Variants in TTN observed in about 807,000 individuals in gnomAD.
The protein encoded by TTN is titin, also known as connectin.
TTN carries 1,525 observed loss-of-function variants against 3,223.0 expected under a neutral mutation model. The observed-to-expected ratio is 0.47, with a 90% CI of 0.45 to 0.49. TTN has a LOEUF of 0.49. Ranked by LOEUF, TTN falls within the 20% of genes least tolerant of loss-of-function variation. The probability of loss-of-function intolerance (pLI) is 0.00; values close to 1 mark genes in which losing one functional copy is unlikely to be tolerated. For missense variants in TTN, 40,786 were observed against 43,424.0 expected (o/e 0.94, Z 5.40); for synonymous variants, 14,094 against 15,161.0 (o/e 0.93, Z 5.17).
Position 178,530,310 on chromosome 2 carries a change from A to C in TTN, c.106305T>G (p.Ser35435Arg), listed in dbSNP as rs1688529172. The stretch of plus-strand genomic sequence containing the variant: ...TAGCCTTAACTGCAAATTTAGCAAC[A>C]CTGTCTGAAGAAACAGTTGTATCCT... ...GLQDTTVSSDSVAKFAVKATG... is the reference protein window; with the variant it reads ...GLQDTTVSSDRVAKFAVKATG... The change falls in exon 358 of 363, where the codon AGT becomes AGG. Residue 35435 changes from serine to arginine, a missense_variant. By Grantham distance (110) the Ser-to-Arg change is moderately radical (BLOSUM62 -1). Coordinates refer to ENST00000589042, the MANE Select transcript of TTN (RefSeq NM_001267550.2). The C allele has an allele frequency of 1.2e-6, 2 of 1,613,716 alleles. No homozygotes were observed. The highest frequency in any genetic ancestry group is 2.7e-5 in the African/African-American group (2 of 74,920).
In TTN at chr2:178,546,443, C is replaced by G. The variant is rs1697172805; in HGVS notation, c.94888G>C (p.Gly31630Arg). ...LHGDLVTIRA[G>R]SDLVLDAAVG... ...GCAGCATCCAGAACAAGATCAGAAC[C>G]TGCTCTGATGGTAACCAGATCACCG... The change falls in exon 342 of 363, where the codon GGT (glycine) becomes CGT (arginine). Residue 31630 changes from glycine to arginine, a missense_variant. Transcript: ENST00000589042. 6.2e-7 allele frequency: 1 copy of G among 1,613,746 alleles called. No homozygotes were observed. Among genetic ancestry groups the G allele is most frequent in the East Asian group, 2.2e-5 (1 of 44,836 alleles).
chr2:178,697,332 C>G (rs140042826), intron 112 of TTN, among the ~76,000 whole-genome samples, 164 bp from the exon 113 acceptor site: 1 of 152,092 alleles, frequency 6.6e-6, no homozygotes, highest in Non-Finnish European at 1.5e-5. Flanking sequence ...ATTTCCAAAT[C>G]TAGCTCATTA....
intron 265 of TTN, 83 bp downstream of exon 265, chr2:178,612,690 G>C: frequency 5.2e-6 from 8 of 1,532,750 alleles, no homozygotes; most frequent in Non-Finnish European, 7.0e-6. Flanking sequence ...TAATAGTAAT[G>C]AATTTTTCAT....
Position 178,667,739 on chromosome 2 carries a change from T to A in TTN, c.35546-18A>T. The A allele has an allele frequency of 6.7e-7, 1 of 1,493,376 alleles. No homozygotes were observed. Among genetic ancestry groups the A allele is most frequent in the South Asian group, 1.2e-5 (1 of 84,442 alleles). 92.5% of individuals were successfully genotyped at this position (1,493,376 alleles called of 1,614,324 possible). The stretch of plus-strand genomic sequence containing the variant: ...TTCATAAACTTTAAAGATATTAGTA[T>A]TTAAATAATTAGGATGTTTCAAGGT... On this transcript the variant is annotated intron_variant, in intron 159 of 362. Transcript: ENST00000589042.
chr2:178,547,731 A>G lies in TTN; in HGVS notation c.93895T>C (p.Phe31299Leu). 6.2e-7 allele frequency: 1 copy of G among 1,613,882 alleles called. No homozygotes were observed. Among genetic ancestry groups the G allele is most frequent in the Non-Finnish European group, 8.5e-7 (1 of 1,179,842 alleles). The change falls in exon 339 of 363, where the codon TTT becomes CTT. Residue 31299 changes from phenylalanine to leucine, a missense_variant. Coordinates refer to ENST00000589042, the MANE Select transcript of TTN (RefSeq NM_001267550.2). ...CCAATGACCACAACTGTGACGCTAAATGTTTTAACACCAGCTGTATTTTCC... is the reference window on the plus strand; with the variant it reads ...CCAATGACCACAACTGTGACGCTAAGTGTTTTAACACCAGCTGTATTTTCC... ...TLENTAGVKTFSVTVVVIGRP... is the reference protein window; with the variant it reads ...TLENTAGVKTLSVTVVVIGRP...
Position 178,667,479 on chromosome 2 carries a change from C to G in TTN, c.35676G>C (p.Val11892=). 1 of 1,599,844 alleles carries G rather than the reference C, an allele frequency of 6.3e-7. No individual in the cohort carries two copies. Among genetic ancestry groups the G allele is most frequent in the Non-Finnish European group, 8.5e-7 (1 of 1,178,812 alleles). ...KKVVPEDKIY[V]TIPKKRETPA... is the part of the protein sequence containing the mutation. ...GTGTTTCTCTCTTTTTAGGAATAGTCACATATATTTTGTCTTCTGGAACAA... is the reference window on the plus strand; with the variant it reads ...GTGTTTCTCTCTTTTTAGGAATAGTGACATATATTTTGTCTTCTGGAACAA... Residue 11892 remains valine (V), a synonymous_variant, in exon 161 of 363, where the codon GTG becomes GTC. Transcript: ENST00000589042.
rs1248409979 is a variant in TTN, at chr2:178,733,394, G to T, written c.15899C>A (p.Pro5300His). 1 of 1,613,726 alleles carries T rather than the reference G, an allele frequency of 6.2e-7. No homozygotes were observed. Among genetic ancestry groups the T allele is most frequent in the South Asian group, 1.1e-5 (1 of 91,064 alleles). Residue 5300 changes from proline (P) to histidine (H), a missense_variant, in exon 54 of 363, where the codon CCC (proline) becomes CAC (histidine). Transcript: ENST00000589042. ...LKPKWYKDGR[P>H]LVASKKYRIS... ...TCGGTATTTTTTACTGGCGACCAAG[G>T]GTCTCCCATCTTTGTACCATTTGGG...
rs778636031 is a variant in TTN, at chr2:178,565,600, A to G, written c.80532T>C (p.Ser26844=). 6.2e-7 allele frequency: 1 copy of G among 1,613,592 alleles called. No individual in the cohort carries two copies. Among genetic ancestry groups the G allele is most frequent in the Non-Finnish European group, 8.5e-7 (1 of 1,179,630 alleles). ...KVCNAVVTGL[S]SGQEYQFRVK... is the part of the protein sequence containing the mutation. ...CACGGAACTGATATTCTTGTCCAGAACTCAAACCAGTAACAACTGCATTAC... is the reference window on the plus strand; with the variant it reads ...CACGGAACTGATATTCTTGTCCAGAGCTCAAACCAGTAACAACTGCATTAC... Residue 26844 remains serine (S), a synonymous_variant, in exon 326 of 363, where the codon AGT becomes AGC. Transcript: ENST00000589042.
At position 178,719,678 on chromosome 2, in the gene TTN, T is replaced by C. The variant is rs566680341; in HGVS notation, c.23814A>G (p.Thr7938=). The C allele has an allele frequency of 5.6e-6, 9 of 1,613,746 alleles. No individual in the cohort carries two copies. The East Asian group carries it at 1.8e-4, about 32-fold the overall frequency. Residue 7938 remains threonine (T), a synonymous_variant, in exon 82 of 363, where the codon ACA becomes ACG. Transcript: ENST00000589042. ...TAAGGGAAGCCACTTTATTGATGAA[T>C]GTAATGTGATGTTTGCTGTCTGCAG... ...ELSADSKHHI[T]FINKVASLKI...
At position 178,729,085 on chromosome 2, in the gene TTN, G is replaced by C; in HGVS notation, c.18953C>G (p.Ser6318Cys). The change falls in exon 65 of 363, where the codon TCT (serine) becomes TGT (cysteine). Residue 6318 changes from serine (S) to cysteine (C), a missense_variant. By Grantham distance (112) the Ser-to-Cys change is moderately radical (BLOSUM62 -1). Transcript: ENST00000589042. ...SATFQSTVAG[S>C]PPISITWLKD... ...TAGCCAGGTTATAGAAATAGGAGGA[G>C]AACCTGCCACGGTACTCTGAAAGGT... 2 of 1,612,240 alleles carry C rather than the reference G, an allele frequency of 1.2e-6. No individual in the cohort carries two copies. The highest frequency in any genetic ancestry group is 1.7e-6 in the Non-Finnish European group (2 of 1,179,160).
chr2:178,701,277 G>T, intron 110 of TTN, 74 bp from the exon 111 acceptor site: 1 of 1,381,562 alleles, frequency 7.2e-7, no homozygotes, highest in Non-Finnish European at 1.0e-6. Context: ...AAAGTCTCAT[G>T]CATTTCTTTC....
intron 218 of TTN, among the ~76,000 whole-genome samples, chr2:178,643,646 C>G (rs115639920): frequency 0.019 from 2,871 of 151,488 alleles, 77 homozygotes; most frequent in African/African-American, 0.062. Flanking sequence ...GTTTGAGAAC[C>G]CAACATTGTA....
Position 178,536,258 on chromosome 2 carries a change from G to A in TTN, c.100489C>T (p.His33497Tyr), listed in dbSNP as rs768361337. Reference sequence around the variant, plus strand: ...AGATTTCTCAGTTCCTCTTTAAAGTGTGGTGCCTGAATTGGGACATCAGAT... The same window carrying A: ...AGATTTCTCAGTTCCTCTTTAAAGTATGGTGCCTGAATTGGGACATCAGAT... ...PKSDVPIQAP[H>Y]FKEELRNLNV... Residue 33497 changes from histidine (H) to tyrosine (Y), a missense_variant, in exon 357 of 363, where the codon CAC becomes TAC. Physicochemically the swap from His to Tyr is moderately conservative, Grantham distance 83. Transcript: ENST00000589042. 5.0e-6 allele frequency: 8 copies of A among 1,613,586 alleles called. No homozygotes were observed. In the South Asian group the frequency reaches 8.8e-5, roughly 18 times the overall value.
intron 156 of TTN, 123 bp downstream of exon 156, chr2:178,670,967 A>T: frequency 1.4e-6 from 1 of 717,558 alleles, no homozygotes; most frequent in African/African-American, 1.9e-5. Context: ...AGTTTGTTTT[A>T]GACATGTCAG....
In TTN at chr2:178,714,406, T is replaced by C. The variant is rs772728050; in HGVS notation, c.26368A>G (p.Asn8790Asp). ...CTTGAAAACTGTAAGGTTGCAATGT[T>C]TTCTGAATAAGAAATCCATATGTTG... is the stretch of plus-strand genomic sequence containing the variant. ...SDNIWISYSE[N>D]IATLQFSRVE... is the part of the protein sequence containing the mutation. The change falls in exon 91 of 363, where the codon AAC becomes GAC. Residue 8790 changes from asparagine to aspartate, a missense_variant. Transcript: ENST00000589042. The C allele has an allele frequency of 2.5e-6, 4 of 1,613,712 alleles. No individual in the cohort carries two copies. The East Asian group carries it at 8.9e-5, about 36-fold the overall frequency.
At chr2:178,805,502 T>A (rs2094275531) in intron 1 of TTN, among the ~76,000 whole-genome samples, 1 of 152,160 alleles carries the variant, frequency 6.6e-6, no homozygotes, top group Non-Finnish European at 1.5e-5. Flanking sequence ...CTTAAAATAG[T>A]TGCCAGAAGT....
Position 178,677,637 on chromosome 2 carries a change from C to A in TTN, c.34275G>T (p.Val11425=), listed in dbSNP as rs2068393480. Residue 11425 remains valine (V), a synonymous_variant, in exon 146 of 363, where the codon GTG becomes GTT. Transcript: ENST00000589042. The part of the protein sequence containing the change: ...EEVLPEVKPK[V]PVPAPVPEVP... ...CTGCTATACCTGGTGCAGGTACTGG[C>A]ACCTTAGGTTTAACTTCTGGAAGGA... is the stretch of plus-strand genomic sequence containing the variant. 2.5e-6 allele frequency: 4 copies of A among 1,611,202 alleles called. No homozygotes were observed. The East Asian group carries it at 6.7e-5, about 27-fold the overall frequency.
At position 178,677,699 on chromosome 2, in the gene TTN, C is replaced by T. The variant is rs754191425; in HGVS notation, c.34213G>A (p.Val11405Ile). 6.2e-7 allele frequency: 1 copy of T among 1,612,752 alleles called. No individual in the cohort carries two copies. Among genetic ancestry groups the T allele is most frequent in the African/African-American group, 1.3e-5 (1 of 74,902 alleles). The change falls in exon 146 of 363, where the codon GTA (valine) becomes ATA (isoleucine). Residue 11405 changes from valine (V) to isoleucine (I), a missense_variant. Val to Ile is a conservative substitution (Grantham distance 29). Transcript: ENST00000589042. Reference protein sequence around the residue: ...EEEVPPEEEYVPEEEEFVPEE... With the variant: ...EEEVPPEEEYIPEEEEFVPEE... ...GGTACAAATTCTTCTTCCTCAGGTA[C>T]ATATTCTTCTTCGGGAGGAACTTCC... is the stretch of plus-strand genomic sequence containing the variant.
At chr2:178,693,760 TTAAAA>T in intron 118 of TTN, 71 bp from the exon 119 acceptor site, 2 of 1,324,528 alleles carry the variant, frequency 1.5e-6, no homozygotes, top group Non-Finnish European at 2.1e-6. Flanking sequence ...ACAAAGAACA[TTAAAA>T]TAAAAATGAA....
Sources: gnomAD v4.1 joint callset for allele counts (sites outside exome capture counted in the v4.1 genomes callset) on GRCh38, gnomAD v4.1.1 for gene constraint, MANE v1.5 for transcripts, NCBI Gene and HGNC (gene_info 2026-07-23, HGNC 2026-07-21) for gene names.